The following MRPS27 variants were observed in gnomAD, a reference collection of about 807,000 sequenced individuals.
The protein encoded by MRPS27 is small ribosomal subunit protein mS27.
In MRPS27, 43 loss-of-function variants were observed where a neutral mutation model predicts 48.9. The observed-to-expected ratio is 0.88, with a 90% CI of 0.69 to 1.13. MRPS27 has a LOEUF of 1.13. Ranked by LOEUF, MRPS27 falls within the 50% of genes most tolerant of loss-of-function variation. MRPS27 has a pLI of 0.00. For missense variants in MRPS27, 467 were observed against 476.3 expected (o/e 0.98, Z 0.18); for synonymous variants, 188 against 171.9 (o/e 1.09, Z -0.73).
chr5:72,241,440 A>G (rs761570232), intron 4 of MRPS27: 40 of 540,802 alleles, frequency 7.4e-5, no homozygotes, highest in Non-Finnish European at 1.1e-4. Flanking sequence ...GGCCCCCATC[A>G]GCATTAAAAA....
intron 4 of MRPS27, among the ~76,000 whole-genome samples, chr5:72,284,076 T>C (rs1561353755): frequency 1.3e-5 from 2 of 152,178 alleles, no homozygotes; most frequent in African/African-American, 4.8e-5. Context: ...TGATATATAC[T>C]TCTTAAGAAT....
intron 4 of MRPS27, among the ~76,000 whole-genome samples, chr5:72,263,139 A>G (rs1203979593): frequency 6.6e-6 from 1 of 152,210 alleles, no homozygotes; most frequent in African/African-American, 2.4e-5. Context: ...AAAACGAAGC[A>G]TTTCCCCTTG....
intron 4 of MRPS27, among the ~76,000 whole-genome samples, chr5:72,243,515 T>G (rs114237604): frequency 6.6e-5 from 10 of 152,142 alleles, no homozygotes; most frequent in African/African-American, 2.4e-4. Context: ...AATACAGAAA[T>G]CGATAATAAA....
chr5:72,292,050 ATTTT>A (rs964779498), intron 4 of MRPS27, among the ~76,000 whole-genome samples: 22 of 152,088 alleles, frequency 1.4e-4, no homozygotes, highest in African/African-American at 5.3e-4. Flanking sequence ...TACTGTATTT[ATTTT>A]TTATTATCTT....
intron 4 of MRPS27, 184 bp downstream of exon 4, chr5:72,295,347 A>G (rs933973040): frequency 7.7e-6 from 4 of 521,370 alleles, no homozygotes; most frequent in Non-Finnish European, 1.4e-5. Flanking sequence ...TTTAAATAAT[A>G]AACTCACAGT....
chr5:72,240,865 G>A (rs554496352), intron 4 of MRPS27, among the ~76,000 whole-genome samples: 1 of 152,204 alleles, frequency 6.6e-6, no homozygotes, highest in South Asian at 2.1e-4. Context: ...TTCACACATC[G>A]AATACAATCA....
intron 4 of MRPS27, among the ~76,000 whole-genome samples, chr5:72,272,942 T>C (rs1749283929): frequency 6.6e-6 from 1 of 151,966 alleles, no homozygotes; most frequent in South Asian, 2.1e-4. Flanking sequence ...TACTATTTTG[T>C]CTAGTGTTAT....
intron 4 of MRPS27, among the ~76,000 whole-genome samples, chr5:72,285,627 A>C (rs1215722378): frequency 6.6e-6 from 1 of 152,160 alleles, no homozygotes; most frequent in African/African-American, 2.4e-5. Context: ...TAGGACAACA[A>C]GGCCCAGCCT....
intron 7 of MRPS27, chr5:72,229,212 G>A (rs1236529130): frequency 1.3e-5 from 2 of 152,168 alleles, no homozygotes; most frequent in African/African-American, 2.4e-5. Flanking sequence ...CCCTGCACTG[G>A]TCTCTGCACC....
chr5:72,240,263 T>C (rs1313092057), intron 4 of MRPS27, among the ~76,000 whole-genome samples: 1 of 152,194 alleles, frequency 6.6e-6, no homozygotes. Context: ...TAGAGTCTCA[T>C]TACAAAAACG....
chr5:72,311,499 GATGA>G (rs1229760881), intron 2 of MRPS27, among the ~76,000 whole-genome samples: 2 of 152,202 alleles, frequency 1.3e-5, no homozygotes, highest in Admixed American at 6.5e-5. Context: ...GCTCTCCTCT[GATGA>G]ATGAATTAAT....
At chr5:72,278,959 A>G (rs1479958121) in intron 4 of MRPS27, among the ~76,000 whole-genome samples, 1 of 152,210 alleles carries the variant, frequency 6.6e-6, no homozygotes, top group Non-Finnish European at 1.5e-5. Flanking sequence ...GAACAGTCTT[A>G]TAACTTAATC....
chr5:72,253,564 A>G (rs1323994984), intron 4 of MRPS27, among the ~76,000 whole-genome samples: 2 of 152,204 alleles, frequency 1.3e-5, no homozygotes, highest in Non-Finnish European at 2.9e-5. Context: ...ATCTTTAACA[A>G]CCCTTTCACT....
chr5:72,283,667 C>A (rs1328927529), intron 4 of MRPS27, among the ~76,000 whole-genome samples: 1 of 152,098 alleles, frequency 6.6e-6, no homozygotes, highest in African/African-American at 2.4e-5. Flanking sequence ...TCCTGTCAAA[C>A]AGTCCAAGTA....
intron 4 of MRPS27, among the ~76,000 whole-genome samples, chr5:72,265,804 C>T (rs1351681247): frequency 6.6e-6 from 1 of 152,174 alleles, no homozygotes; most frequent in Non-Finnish European, 1.5e-5. Context: ...GGAATGTTGA[C>T]TGTCTTAATT....
intron 3 of MRPS27, among the ~76,000 whole-genome samples, chr5:72,295,939 TC>T (rs1749968137): frequency 6.6e-6 from 1 of 150,644 alleles, no homozygotes; most frequent in Non-Finnish European, 1.5e-5. Flanking sequence ...GATATTATTT[TC>T]TTTATGTTCC....
chr5:72,240,299 C>T (rs1281800656), intron 4 of MRPS27, among the ~76,000 whole-genome samples: 6 of 151,970 alleles, frequency 3.9e-5, no homozygotes, highest in African/African-American at 7.3e-5. Context: ...AATAATAATA[C>T]GAGGTGGAGC....
At position 72,225,607 on chromosome 5, in the gene MRPS27, T is replaced by C. The variant is rs894859502; in HGVS notation, c.837+450A>G. ...ACATCTGACCGAGATCTCATCAGCA[T>C]CACACATTCACACAGAATGGTTTAA... On this transcript the variant is annotated intron_variant, in intron 9 of 10. Coordinates refer to ENST00000261413, the MANE Select transcript of MRPS27 (RefSeq NM_015084.3). 3.3e-5 allele frequency among the ~76,000 whole-genome samples: 5 copies of C among 152,308 alleles called. No homozygotes were observed. The South Asian group carries it at 6.2e-4, about 19-fold the overall frequency.
rs562100497 is a variant in MRPS27 at position 72,243,040 on chromosome 5, C to T, written c.282-4912G>A. On this transcript the variant is annotated intron_variant, in intron 4 of 10. Coordinates refer to ENST00000261413, the MANE Select transcript of MRPS27 (RefSeq NM_015084.3). Reference sequence around the variant, plus strand: ...ACACACACATGCAGCTTTCCCTCCGCCCCAGTGAATTCTGTATCCTGTGGC... The same window carrying T: ...ACACACACATGCAGCTTTCCCTCCGTCCCAGTGAATTCTGTATCCTGTGGC... Among the ~76,000 whole-genome samples the T allele has an allele frequency of 1.6e-4, 25 of 152,332 alleles. No homozygotes were observed. In the South Asian group the frequency reaches 5.0e-3, roughly 30 times the overall value.
Sources: gnomAD v4.1 joint callset for allele counts (sites outside exome capture counted in the v4.1 genomes callset) on GRCh38, gnomAD v4.1.1 for gene constraint, MANE v1.5 for transcripts, NCBI Gene and HGNC (gene_info 2026-07-23, HGNC 2026-07-21) for gene names.